WDR7: variants seen among roughly 807,000 people sequenced by gnomAD.
WDR7 encodes WD repeat domain 7.
In WDR7, 46 loss-of-function variants were observed where a neutral mutation model predicts 169.4. The ratio of observed to expected loss-of-function variants is 0.27; its 90% CI spans 0.21 to 0.35. The LOEUF (loss-of-function observed/expected upper bound fraction) is 0.35. WDR7 is among the 10% of genes least tolerant of loss of function. The pLI is 1.00. For synonymous variants in WDR7, 612 were observed against 666.8 expected, an observed-to-expected ratio of 0.92 and a Z score of 1.27; for missense variants, 1,534 against 1,859.3, an observed-to-expected ratio of 0.83 and a Z score of 3.22.
intron 20 of WDR7, among the ~76,000 whole-genome samples, chr18:56,855,701 C>A (rs954465302): frequency 7.9e-5 from 12 of 152,132 alleles, no homozygotes; most frequent in African/African-American, 2.9e-4. Flanking sequence ...TTACTTACTG[C>A]GGCTTTATAA....
chr18:56,809,397 A>T (rs2044830732), intron 19 of WDR7, among the ~76,000 whole-genome samples: 1 of 152,084 alleles, frequency 6.6e-6, no homozygotes, highest in African/African-American at 2.4e-5. Context: ...TGAGATTTTC[A>T]TCACTGTCAA....
intron 25 of WDR7, among the ~76,000 whole-genome samples, chr18:56,959,461 A>T (rs2047305888): frequency 6.6e-6 from 1 of 152,148 alleles, no homozygotes; most frequent in Non-Finnish European, 1.5e-5. Flanking sequence ...TTGAGTGATG[A>T]TGTGTTCTCT....
chr18:56,996,555 T>A (rs927748837), intron 26 of WDR7, among the ~76,000 whole-genome samples: 2 of 152,250 alleles, frequency 1.3e-5, no homozygotes, highest in Non-Finnish European at 2.9e-5. Context: ...GGTTATCAGC[T>A]AGGATAGAAA....
chr18:56,898,797 A>G (rs1025324513), intron 21 of WDR7, among the ~76,000 whole-genome samples: 2 of 152,092 alleles, frequency 1.3e-5, no homozygotes, highest in African/African-American at 4.8e-5. Context: ...GGAACCAAAA[A>G]GGGCGCTGGT....
chr18:56,671,830 A>G (rs2025142418), intron 1 of WDR7, among the ~76,000 whole-genome samples: 2 of 152,290 alleles, frequency 1.3e-5, no homozygotes. Flanking sequence ...GGATTAATGG[A>G]GTTTATATAT....
chr18:56,781,543 C>A lies in WDR7; in HGVS notation c.3077C>A (p.Ala1026Asp). 1 of 1,606,352 alleles carries A rather than the reference C, an allele frequency of 6.2e-7. No homozygotes were observed. The highest frequency in any genetic ancestry group is 1.7e-5 in the Admixed American group (1 of 58,984). ...GGTCTGTGGTCTTAGGTGAGAGAAG[C>A]CGCGCAGGCCCTGCTTCTGGCGGAA... ...WQDRCLEVREAAQALLLAELR... is the reference protein window; with the variant it reads ...WQDRCLEVREDAQALLLAELR... Residue 1026 changes from alanine to aspartate, a missense_variant, in exon 19 of 28, where the codon GCC (alanine) becomes GAC (aspartate). By Grantham distance (126) the Ala-to-Asp change is moderately radical. Transcript: ENST00000254442.
At chr18:56,861,106 A>C (rs1444188521) in intron 20 of WDR7, among the ~76,000 whole-genome samples, 1 of 131,600 alleles carries the variant, frequency 7.6e-6, no homozygotes, top group Admixed American at 8.3e-5. Context: ...AATTACGTGA[A>C]ACAGCGAAAG....
intron 13 of WDR7, among the ~76,000 whole-genome samples, chr18:56,730,616 A>G (rs932318146): frequency 1.3e-5 from 2 of 151,838 alleles, no homozygotes; most frequent in African/African-American, 4.8e-5. Flanking sequence ...AATACAAAAA[A>G]TTAGCCGGGC....
chr18:56,834,252 A>G (rs2045361207), intron 20 of WDR7, among the ~76,000 whole-genome samples: 1 of 152,192 alleles, frequency 6.6e-6, no homozygotes, highest in South Asian at 2.1e-4. Context: ...AGAGTGCTGT[A>G]CAAAGTAATC....
chr18:56,756,884 A>C lies in WDR7; in HGVS notation c.2291A>C (p.Glu764Ala). ...IKEHLLDDEE[E>A]DEEIMRQRRE... The stretch of plus-strand genomic sequence containing the variant: ...GAACACCTCCTTGATGATGAAGAGG[A>C]GGATGAGGAGATAATGAGGCAGAGA... Residue 764 changes from glutamate (E) to alanine (A), a missense_variant, in exon 15 of 28, where the codon GAG (glutamate) becomes GCG (alanine). Transcript: ENST00000254442. 6.2e-7 allele frequency: 1 copy of C among 1,614,088 alleles called. No homozygotes were observed. The highest frequency in any genetic ancestry group is 1.1e-5 in the South Asian group (1 of 91,086).
chr18:56,801,263 G>A (rs558558872), intron 19 of WDR7, among the ~76,000 whole-genome samples: 3 of 152,240 alleles, frequency 2.0e-5, no homozygotes, highest in East Asian at 1.9e-4. Flanking sequence ...ACCAACTATA[G>A]TGTAGTATTG....
intron 25 of WDR7, 84 bp from the exon 26 acceptor site, chr18:56,962,346 T>G: frequency 1.0e-6 from 1 of 987,612 alleles, no homozygotes; most frequent in Non-Finnish European, 1.6e-6. Context: ...CTTTAACCTT[T>G]GAAATGTTGC....
intron 19 of WDR7, chr18:56,782,269 C>G (rs1318116471): frequency 6.6e-6 from 1 of 152,018 alleles, no homozygotes; most frequent in Non-Finnish European, 1.5e-5. Flanking sequence ...TTGTATTTTG[C>G]TATCATAATG....
At chr18:56,904,073 A>AT (rs2046442318) in intron 21 of WDR7, among the ~76,000 whole-genome samples, 1 of 60,532 alleles carries the variant, frequency 1.7e-5, no homozygotes, top group Non-Finnish European at 4.2e-5. Flanking sequence ...TGCTCAAAAT[A>AT]ATTTTTTTTT....
rs145694465 is a variant in WDR7, at chr18:56,781,710, A to G, written c.3190+54A>G. ...CTTTGCAGGAATATGTAGAAAAGGT[A>G]CCTGTACTCACAAATATATATGCTA... On this transcript the variant is annotated intron_variant, in intron 19 of 27. Coordinates refer to ENST00000254442, the MANE Select transcript of WDR7 (RefSeq NM_015285.3). The G allele has an allele frequency of 3.4e-4, 493 of 1,434,600 alleles. 1 individual carries two copies. In the African/African-American group the frequency reaches 6.6e-3, roughly 19 times the overall value. The allele number at this position is 1,434,600 out of a possible 1,614,324, so 88.9% of individuals were successfully genotyped here.
intron 18 of WDR7, among the ~76,000 whole-genome samples, chr18:56,779,933 C>T (rs2044292901): frequency 6.6e-6 from 1 of 152,188 alleles, no homozygotes; most frequent in South Asian, 2.1e-4. Flanking sequence ...TGCCATATTT[C>T]AGTGAAAGGT....
intron 12 of WDR7, among the ~76,000 whole-genome samples, chr18:56,714,736 A>G (rs1381118290): frequency 2.0e-5 from 3 of 152,032 alleles, no homozygotes; most frequent in East Asian, 1.9e-4. Context: ...TTTTTTGTAG[A>G]TTGAGCTTGT....
rs1366784057 is a variant in WDR7 at position 56,800,765 on chromosome 18, T to G, written c.3191-15266T>G. 2.0e-5 allele frequency among the ~76,000 whole-genome samples: 3 copies of G among 152,366 alleles called. No homozygotes were observed. The East Asian group carries it at 5.8e-4, about 29-fold the overall frequency. On this transcript the variant is annotated intron_variant, in intron 19 of 27. Transcript: ENST00000254442. ...TCAGTGTCAGTTTGATATGGCCTCA[T>G]CTTTTTTTCTTAAAGCACTTTCTTA... is the stretch of plus-strand genomic sequence containing the variant.
At chr18:56,833,921 G>A (rs1202921040) in intron 20 of WDR7, among the ~76,000 whole-genome samples, 2 of 152,116 alleles carry the variant, frequency 1.3e-5, no homozygotes, top group East Asian at 3.9e-4. Flanking sequence ...AGTTTCCATG[G>A]GTTAGGGAAT....
Sources: gnomAD v4.1 joint callset for allele counts (sites outside exome capture counted in the v4.1 genomes callset) on GRCh38, gnomAD v4.1.1 for gene constraint, MANE v1.5 for transcripts, NCBI Gene and HGNC (gene_info 2026-07-23, HGNC 2026-07-21) for gene names.